AKT3: variants seen among roughly 807,000 people sequenced by gnomAD.
AKT3 encodes the protein RAC-gamma serine/threonine-protein kinase.
In AKT3, 15 loss-of-function variants were observed where a neutral mutation model predicts 65.3. The observed-to-expected ratio is 0.23, with a 90% CI of 0.15 to 0.35. The LOEUF is 0.35. AKT3 is among the 10% of genes least tolerant of loss of function. The probability of loss-of-function intolerance (pLI) is 1.00; values close to 1 mark genes in which losing one functional copy is unlikely to be tolerated. For missense variants in AKT3, 243 were observed against 576.5 expected (o/e 0.42, Z 5.92); for synonymous variants, 206 against 183.8 (o/e 1.12, Z -0.98).
intron 10 of AKT3, among the ~76,000 whole-genome samples, chr1:243,561,956 G>A (rs554121305): frequency 1.3e-5 from 2 of 152,260 alleles, no homozygotes; most frequent in Admixed American, 1.3e-4. Flanking sequence ...GCTTCAGGGA[G>A]TAAGGGTATG....
chr1:243,784,331 A>G lies in AKT3; in HGVS notation c.46+58794T>C, dbSNP rs1691110089. Reference sequence around the variant, plus strand: ...GACTGCAGGGAATGAGGGGGTGAGTATGAGACAAGATTAAAAAGGCAGACA... The same window carrying G: ...GACTGCAGGGAATGAGGGGGTGAGTGTGAGACAAGATTAAAAAGGCAGACA... On this transcript the variant is annotated intron_variant, in intron 2 of 13. Transcript: ENST00000673466. Among the ~76,000 whole-genome samples, 4 of 152,196 alleles carry G rather than the reference A, an allele frequency of 2.6e-5. No homozygotes were observed. In the Middle Eastern group the frequency reaches 0.01, roughly 388 times the overall value.
chr1:243,843,071 C>T, intron 2 of AKT3, 54 bp downstream of exon 2: 2 of 1,579,156 alleles, frequency 1.3e-6, no homozygotes, highest in Non-Finnish European at 1.7e-6. Flanking sequence ...TAAGACACCA[C>T]TCACTGCTAG....
intron 3 of AKT3, among the ~76,000 whole-genome samples, chr1:243,669,899 A>T (rs546478654): frequency 6.6e-6 from 1 of 152,330 alleles, no homozygotes; most frequent in South Asian, 2.1e-4. Context: ...AGTTATGCAC[A>T]ACTTCACTGT....
At chr1:243,670,173 T>C (rs1025694747) in intron 3 of AKT3, among the ~76,000 whole-genome samples, 7 of 152,152 alleles carry the variant, frequency 4.6e-5, no homozygotes, top group East Asian at 1.9e-4. Context: ...AACAGTATAA[T>C]AGAAATAAAC....
intron 2 of AKT3, among the ~76,000 whole-genome samples, chr1:243,840,090 G>T (rs1169485504): frequency 6.6e-6 from 1 of 152,128 alleles, no homozygotes; most frequent in East Asian, 1.9e-4. Flanking sequence ...GGAATCACTT[G>T]AACACGGGAG....
downstream of AKT3, among the ~76,000 whole-genome samples, chr1:243,499,118 A>G (rs749979572): frequency 1.3e-5 from 2 of 152,216 alleles, no homozygotes; most frequent in African/African-American, 2.4e-5. Flanking sequence ...ACAGTATTCA[A>G]TACTTTCTGA....
chr1:243,770,607 C>A (rs939866485), intron 2 of AKT3, among the ~76,000 whole-genome samples: 7 of 151,928 alleles, frequency 4.6e-5, no homozygotes, highest in African/African-American at 9.7e-5. Flanking sequence ...AGCCTTACAA[C>A]CAAAATGTGC....
chr1:243,754,591 C>G (rs1193438040), intron 2 of AKT3, among the ~76,000 whole-genome samples: 6 of 152,152 alleles, frequency 3.9e-5, no homozygotes. Flanking sequence ...AGCATTACCA[C>G]CTGAGCTCCA....
At chr1:243,662,216 A>G (rs1235359951) in intron 4 of AKT3, among the ~76,000 whole-genome samples, 2 of 152,188 alleles carry the variant, frequency 1.3e-5, no homozygotes, top group African/African-American at 2.4e-5. Context: ...GTATATACCC[A>G]AAGGACTATA....
intron 2 of AKT3, among the ~76,000 whole-genome samples, chr1:243,775,192 T>G (rs955101565): frequency 1.3e-5 from 2 of 152,152 alleles, no homozygotes; most frequent in Admixed American, 6.5e-5. Context: ...GTTTGTTTGT[T>G]TGTTTTGAGA....
In AKT3 at chr1:243,492,137, C is replaced by T. The variant is rs1024436706; in HGVS notation, c.*7-3687G>A. On this transcript the variant is annotated intron_variant, in intron 13 of 13. Transcript: ENST00000336199. The stretch of plus-strand genomic sequence containing the variant: ...AATTGTTTCTGCTTGAATTCTGAAA[C>T]ACTCACAACAACATGGCTGGCAGAG... Among the ~76,000 whole-genome samples, 15 of 151,780 alleles carry T rather than the reference C, an allele frequency of 9.9e-5. 1 individual carries two copies. The highest frequency in any genetic ancestry group is 3.6e-4 in the African/African-American group (15 of 41,298).
At chr1:243,642,361 G>C (rs990226639) in intron 5 of AKT3, among the ~76,000 whole-genome samples, 3 of 152,240 alleles carry the variant, frequency 2.0e-5, no homozygotes, top group Non-Finnish European at 4.4e-5. Context: ...CCAGGCTAGA[G>C]TGCAGTGGCA....
intron 3 of AKT3, among the ~76,000 whole-genome samples, chr1:243,679,004 C>A (rs752750604): frequency 6.6e-6 from 1 of 152,100 alleles, no homozygotes; most frequent in South Asian, 2.1e-4. Flanking sequence ...AAGACTAACG[C>A]CTTCTCTTTC....
intron 2 of AKT3, among the ~76,000 whole-genome samples, chr1:243,815,643 T>A (rs1209758975): frequency 4.0e-5 from 6 of 149,164 alleles, no homozygotes; most frequent in Non-Finnish European, 5.9e-5. Flanking sequence ...CAGGATCTCA[T>A]TCTGTCACTT....
At chr1:243,722,954 TTGTTAATA>T (rs1687000048) in intron 2 of AKT3, among the ~76,000 whole-genome samples, 1 of 152,230 alleles carries the variant, frequency 6.6e-6, no homozygotes, top group Non-Finnish European at 1.5e-5. Context: ...CAATGTGAAA[TTGTTAATA>T]TGTTAATATG....
intron 3 of AKT3, among the ~76,000 whole-genome samples, chr1:243,694,718 T>C (rs1001431750): frequency 2.0e-5 from 3 of 152,002 alleles, no homozygotes; most frequent in African/African-American, 7.2e-5. Flanking sequence ...ATGAAATTTG[T>C]AACATTCAAA....
intron 2 of AKT3, among the ~76,000 whole-genome samples, chr1:243,704,345 T>C (rs1685657462): frequency 6.6e-6 from 1 of 152,082 alleles, no homozygotes; most frequent in South Asian, 2.1e-4. Flanking sequence ...CATGGAGCTT[T>C]AATAAATGAT....
chr1:243,740,674 A>G (rs1426326814), intron 2 of AKT3: 2 of 152,330 alleles, frequency 1.3e-5, no homozygotes, highest in South Asian at 2.1e-4. Context: ...CAAAAACCAT[A>G]AAGATCCCTG....
intron 3 of AKT3, among the ~76,000 whole-genome samples, chr1:243,672,197 GGTAGGAGTAACGGGAGGC>G (rs1347308534): frequency 2.6e-5 from 4 of 152,170 alleles, no homozygotes; most frequent in Non-Finnish European, 5.9e-5. Context: ...CGTTTCTCCA[GGTAGGAGTAACGGGAGGC>G]GGTTTAGAAT....
Sources: gnomAD v4.1 joint callset for allele counts (sites outside exome capture counted in the v4.1 genomes callset) on GRCh38, gnomAD v4.1.1 for gene constraint, MANE v1.5 for transcripts, NCBI Gene and HGNC (gene_info 2026-07-23, HGNC 2026-07-21) for gene names.